The following PTPRB variants were observed in gnomAD, a reference collection of about 807,000 sequenced individuals.
PTPRB encodes protein tyrosine phosphatase receptor type B, also known as receptor-type tyrosine-protein phosphatase beta.
In PTPRB, 97 loss-of-function variants were observed where a neutral mutation model predicts 238.1. The observed-to-expected ratio is 0.41, with a 90% CI of 0.35 to 0.48. The LOEUF (loss-of-function observed/expected upper bound fraction) is 0.48. Ranked by LOEUF, PTPRB falls within the 20% of genes least tolerant of loss-of-function variation. The pLI, the probability that PTPRB is intolerant of heterozygous loss-of-function variation, is 0.30. For synonymous variants in PTPRB, 970 were observed against 995.4 expected (o/e 0.97, Z 0.48); for missense variants, 2,292 against 2,681.9 (o/e 0.85, Z 3.21).
chr12:70,532,216 C>T, intron 31 of PTPRB, 46 bp from the exon 32 acceptor site: 1 of 1,526,818 alleles, frequency 6.5e-7, no homozygotes, highest in Non-Finnish European at 8.8e-7. Context: ...ATTAAATTTG[C>T]CTTTCAAGAT....
chr12:70,541,162 G>A (rs1191029929), intron 22 of PTPRB: 1 of 519,502 alleles, frequency 1.9e-6, no homozygotes, highest in Non-Finnish European at 3.4e-6. Flanking sequence ...CCCTGTAGCA[G>A]TGAGGCCAGG....
At chr12:70,548,145 G>A (rs1261721621) in intron 21 of PTPRB, among the ~76,000 whole-genome samples, 1 of 152,038 alleles carries the variant, frequency 6.6e-6, no homozygotes, top group South Asian at 2.1e-4. Context: ...TGGCCAACAC[G>A]GTGAAACCCC....
chr12:70,533,782 T>A (rs375113185), intron 31 of PTPRB, among the ~76,000 whole-genome samples: 1 of 152,160 alleles, frequency 6.6e-6, no homozygotes, highest in African/African-American at 2.4e-5. Flanking sequence ...CCTCCCTCTA[T>A]GTGAGGACAC....
At chr12:70,577,416 G>A (rs1288862067) in intron 10 of PTPRB, among the ~76,000 whole-genome samples, 1 of 152,118 alleles carries the variant, frequency 6.6e-6, no homozygotes, top group East Asian at 1.9e-4. Flanking sequence ...AATGAAAAAC[G>A]CATGAATGTC....
At chr12:70,566,378 TAC>T (rs140444406) in intron 15 of PTPRB, 55 bp downstream of exon 15, 27,819 of 1,572,806 alleles carry the variant, frequency 0.018, 294 homozygotes, top group South Asian at 0.029. Flanking sequence ...CTGGGGTTCT[TAC>T]ACAATAGCAG....
intron 31 of PTPRB, 114 bp downstream of exon 31, chr12:70,534,369 CTGGTT>C: frequency 9.0e-7 from 1 of 1,117,294 alleles, no homozygotes; most frequent in South Asian, 1.6e-5. Flanking sequence ...GCGAGGCAGG[CTGGTT>C]GGTCCAGACA....
intron 22 of PTPRB, 77 bp from the exon 23 acceptor site, chr12:70,541,034 G>T: frequency 8.9e-7 from 1 of 1,124,112 alleles, no homozygotes. Context: ...AGCTATTGAA[G>T]CCATATCTCC....
At chr12:70,549,924 C>G (rs1876631731) in intron 21 of PTPRB, among the ~76,000 whole-genome samples, 2 of 152,212 alleles carry the variant, frequency 1.3e-5, no homozygotes, top group African/African-American at 2.4e-5. Context: ...TTGGCTCATT[C>G]CCGTATTTGT....
intron 2 of PTPRB, among the ~76,000 whole-genome samples, chr12:70,634,529 CT>C (rs1885597221): frequency 2.0e-5 from 3 of 152,158 alleles, no homozygotes; most frequent in Middle Eastern, 6.8e-3. Flanking sequence ...TGCCGTGGTG[CT>C]TTGTTGCACC....
chr12:70,533,858 AACAG>A (rs1220959984), intron 31 of PTPRB, among the ~76,000 whole-genome samples: 1 of 152,230 alleles, frequency 6.6e-6, no homozygotes, highest in African/African-American at 2.4e-5. Flanking sequence ...CTAAGCTCTC[AACAG>A]ACACTGAAGC....
chr12:70,605,447 G>A (rs973500808), intron 4 of PTPRB, among the ~76,000 whole-genome samples: 4 of 151,830 alleles, frequency 2.6e-5, no homozygotes, highest in East Asian at 1.9e-4. Flanking sequence ...CAGTATTTAC[G>A]GAACACCTAC....
chr12:70,633,566 T>C (rs1819490323), intron 2 of PTPRB, among the ~76,000 whole-genome samples: 1 of 152,222 alleles, frequency 6.6e-6, no homozygotes, highest in Non-Finnish European at 1.5e-5. Flanking sequence ...TGTGTTATAC[T>C]TATGTGTACT....
chr12:70,586,556 T>C (rs1400050773), intron 9 of PTPRB, among the ~76,000 whole-genome samples: 1 of 152,208 alleles, frequency 6.6e-6, no homozygotes, highest in Non-Finnish European at 1.5e-5. Flanking sequence ...TAGATCCCAA[T>C]ACCTCTTGCC....
At chr12:70,615,794 C>T (rs774521353) in intron 3 of PTPRB, among the ~76,000 whole-genome samples, 2 of 152,086 alleles carry the variant, frequency 1.3e-5, no homozygotes, top group Non-Finnish European at 2.9e-5. Context: ...ATTACCAAAC[C>T]CTAGGATAGC....
At chr12:70,538,500 C>G (rs181685361) in intron 27 of PTPRB, 3 of 469,826 alleles carry the variant, frequency 6.4e-6, no homozygotes, top group Non-Finnish European at 1.1e-5. Context: ...GTGGCCAGCT[C>G]CCTTTCACTG....
Position 70,560,609 on chromosome 12 carries a change from A to C in PTPRB, c.4432+62T>G. On this transcript the variant is annotated intron_variant, in intron 17 of 33. Transcript: ENST00000334414. The surrounding 1 kb of genome is among the most constrained non-coding windows in gnomAD (Gnocchi z 4.2). ...ATCTCTTGTCATTAAAATCAGAATCAAAATGTGTCTCTGGAAGCTACTTCC... is the reference window on the plus strand; with the variant it reads ...ATCTCTTGTCATTAAAATCAGAATCCAAATGTGTCTCTGGAAGCTACTTCC... The C allele has an allele frequency of 6.3e-7, 1 of 1,589,186 alleles. No homozygotes were observed. Among genetic ancestry groups the C allele is most frequent in the Non-Finnish European group, 8.6e-7 (1 of 1,166,564 alleles).
intron 21 of PTPRB, among the ~76,000 whole-genome samples, chr12:70,545,201 C>T (rs58266255): frequency 0.012 from 1,801 of 152,236 alleles, 40 homozygotes; most frequent in African/African-American, 0.041. Context: ...ATGGAGGTGT[C>T]ACCTACTAAC....
At chr12:70,574,556 A>G (rs990442884) in intron 11 of PTPRB, among the ~76,000 whole-genome samples, 3 of 152,242 alleles carry the variant, frequency 2.0e-5, no homozygotes, top group African/African-American at 7.2e-5. Flanking sequence ...CGTTAAGTCA[A>G]TAAGGAGCTC....
rs1162809039 is a variant in PTPRB, at chr12:70,520,735, CTTA to C, written c.*751_*753del. ...TTTCCAGTCTGGGTATAGCTGGCAT[CTTA>C]TTAACAAAAGGAATTCATCACTTCT... On this transcript the variant is annotated 3_prime_UTR_variant, in exon 34 of 34. Transcript: ENST00000334414. 6.5e-6 allele frequency: 1 copy of C among 152,684 alleles called. No homozygotes were observed. The highest frequency in any genetic ancestry group is 1.9e-4 in the East Asian group (1 of 5,212). The allele number at this position is 152,684 out of a possible 1,614,324, so 9.5% of individuals were successfully genotyped here.
Sources: allele counts gnomAD v4.1 joint callset (sites outside exome capture counted in the v4.1 genomes callset), GRCh38; gene constraint gnomAD v4.1.1; non-coding constraint Gnocchi (gnomAD v3.1); transcripts MANE v1.5; gene names NCBI Gene and HGNC (gene_info 2026-07-23, HGNC 2026-07-21).